PRUNE2: variants seen among roughly 807,000 people sequenced by gnomAD.
PRUNE2 encodes the protein protein prune homolog 2.
PRUNE2 carries 164 observed loss-of-function variants against 252.0 expected under a neutral mutation model. That is an observed-to-expected ratio of 0.65 (90% confidence interval 0.57 to 0.74). The LOEUF (loss-of-function observed/expected upper bound fraction) is 0.74, where lower values mean the gene tolerates loss of function less well. PRUNE2 is among the 30% of genes least tolerant of loss of function. PRUNE2 has a pLI of 0.00. For missense variants in PRUNE2, 3,495 were observed against 3,711.0 expected, an observed-to-expected ratio of 0.94 and a Z score of 1.51; for synonymous variants, 1,292 against 1,350.2, an observed-to-expected ratio of 0.96 and a Z score of 0.94.
At chr9:76,875,121 C>G (rs1252724645) in intron 1 of PRUNE2, among the ~76,000 whole-genome samples, 1 of 152,080 alleles carries the variant, frequency 6.6e-6, no homozygotes, top group African/African-American at 2.4e-5. Context: ...AACCCCCAAG[C>G]CTTTGCACCA....
At chr9:76,847,677 C>T (rs2059742660) in intron 3 of PRUNE2, among the ~76,000 whole-genome samples, 1 of 152,080 alleles carries the variant, frequency 6.6e-6, no homozygotes, top group Non-Finnish European at 1.5e-5. Context: ...TGGCTTTTAG[C>T]AAAGGCAGGA....
chr9:76,839,506 G>A (rs2059261662), intron 4 of PRUNE2, among the ~76,000 whole-genome samples: 1 of 152,212 alleles, frequency 6.6e-6, no homozygotes, highest in South Asian at 2.1e-4. Context: ...AGGCTCTTGT[G>A]TCTGCAACAC....
intron 6 of PRUNE2, among the ~76,000 whole-genome samples, chr9:76,716,278 C>T (rs1431872282): frequency 1.3e-5 from 2 of 152,296 alleles, no homozygotes; most frequent in East Asian, 3.9e-4. Flanking sequence ...GACTCAAGTC[C>T]AAAAGCATTG....
At chr9:76,644,167 C>T (rs1843767398) in intron 12 of PRUNE2, among the ~76,000 whole-genome samples, 4 of 152,136 alleles carry the variant, frequency 2.6e-5, no homozygotes, top group Admixed American at 2.6e-4. Context: ...TTTCTCTCTC[C>T]CTTGTCTCTC....
Position 76,706,336 on chromosome 9 carries a change from T to G in PRUNE2, c.5938A>C (p.Asn1980His). 6 of 1,614,018 alleles carry G rather than the reference T, an allele frequency of 3.7e-6. No individual in the cohort carries two copies. Among genetic ancestry groups the G allele is most frequent in the Non-Finnish European group, 5.1e-6 (6 of 1,179,884 alleles). ...GAAACATTAGATGTAACACAACTAT[T>G]TTCCTCTGCGTGAGTAAAGGCTGTG... The part of the protein sequence containing the change: ...PDTAFTHAEE[N>H]SCVTSNVSTN... Residue 1980 changes from asparagine (N) to histidine (H), a missense_variant, in exon 8 of 19, where the codon AAT becomes CAT. Transcript: ENST00000376718.
intron 9 of PRUNE2, among the ~76,000 whole-genome samples, chr9:76,661,875 G>GTT (rs142141727): frequency 5.5e-5 from 8 of 145,828 alleles, no homozygotes; most frequent in African/African-American, 1.0e-4. Context: ...TAAAAACACA[G>GTT]TTTTTTTTTT....
rs748835110 is a variant in PRUNE2 at position 76,611,755 on chromosome 9, A to G, written c.*2815T>C. ...AGAACATTGTATGGCTTCAACAGAA[A>G]CTTCAGGATTTTCTTCCACACTGAG... On this transcript the variant is annotated 3_prime_UTR_variant, in exon 19 of 19. Transcript: ENST00000376718. 2 of 152,624 alleles carry G rather than the reference A, an allele frequency of 1.3e-5. No individual in the cohort carries two copies. Among genetic ancestry groups the G allele is most frequent in the African/African-American group, 4.8e-5 (2 of 41,440 alleles). The allele number at this position is 152,624 out of a possible 1,614,324, so 9.5% of individuals were successfully genotyped here. A position where few individuals can be genotyped will look rare whatever the true frequency, so the allele number is the denominator to read the frequency against.
intron 1 of PRUNE2, chr9:76,868,849 CG>C (rs1168086801): frequency 9.9e-5 from 3 of 30,388 alleles, no homozygotes; most frequent in Non-Finnish European, 2.0e-4. Context: ...GGGGGGGGGG[CG>C]GGGGGGAAGG....
intron 12 of PRUNE2, among the ~76,000 whole-genome samples, chr9:76,639,544 A>G (rs1311379511): frequency 6.6e-6 from 1 of 152,192 alleles, no homozygotes; most frequent in Non-Finnish European, 1.5e-5. Context: ...CTGCCACGTA[A>G]TCACTCAGTG....
Position 76,706,343 on chromosome 9 carries a change from T to C in PRUNE2, c.5931A>G (p.Ala1977=). Residue 1977 remains alanine (A), a synonymous_variant, in exon 8 of 19, where the codon GCA becomes GCG. Coordinates refer to ENST00000376718, the MANE Select transcript of PRUNE2 (RefSeq NM_015225.3). The part of the protein sequence containing the change: ...CDHPDTAFTH[A]EENSCVTSNV... Reference sequence around the variant, plus strand: ...TAGATGTAACACAACTATTTTCCTCTGCGTGAGTAAAGGCTGTGTCCGGAT... The same window carrying C: ...TAGATGTAACACAACTATTTTCCTCCGCGTGAGTAAAGGCTGTGTCCGGAT... 1 of 1,614,038 alleles carries C rather than the reference T, an allele frequency of 6.2e-7. No individual in the cohort carries two copies. Among genetic ancestry groups the C allele is most frequent in the Non-Finnish European group, 8.5e-7 (1 of 1,179,884 alleles).
At chr9:76,795,551 G>A (rs778264976) in intron 6 of PRUNE2, among the ~76,000 whole-genome samples, 1 of 149,376 alleles carries the variant, frequency 6.7e-6, no homozygotes, top group East Asian at 1.9e-4. Context: ...TAGCCCCTGG[G>A]GGGGAGCATG....
intron 9 of PRUNE2, among the ~76,000 whole-genome samples, chr9:76,691,071 T>C (rs2134444273): frequency 6.6e-6 from 1 of 152,358 alleles, no homozygotes; most frequent in African/African-American, 2.4e-5. Context: ...CTAAGAAAAC[T>C]TTCATCAGAT....
chr9:76,698,646 A>G (rs1376647298), intron 9 of PRUNE2, among the ~76,000 whole-genome samples: 2 of 152,266 alleles, frequency 1.3e-5, no homozygotes, highest in African/African-American at 2.4e-5. Flanking sequence ...TTTAAAATCT[A>G]TTTCTCATTT....
intron 6 of PRUNE2, among the ~76,000 whole-genome samples, chr9:76,781,519 A>G (rs1474203162): frequency 6.6e-6 from 1 of 152,230 alleles, no homozygotes; most frequent in Admixed American, 6.5e-5. Context: ...CTTGGTTTAT[A>G]AACTTAAAAA....
chr9:76,902,011 T>A (rs1389729018), intron 1 of PRUNE2, among the ~76,000 whole-genome samples: 1 of 152,098 alleles, frequency 6.6e-6, no homozygotes, highest in African/African-American at 2.4e-5. Context: ...CTCCACCCAT[T>A]AACAGCTGCT....
At position 76,816,868 on chromosome 9, in the gene PRUNE2, C is replaced by G. The variant is rs900401064; in HGVS notation, c.756+6764G>C. Among the ~76,000 whole-genome samples, 5 of 152,234 alleles carry G rather than the reference C, an allele frequency of 3.3e-5. No homozygotes were observed. The East Asian group carries it at 9.7e-4, about 29-fold the overall frequency. On this transcript the variant is annotated intron_variant, in intron 6 of 18. Transcript: ENST00000376718. The stretch of plus-strand genomic sequence containing the variant: ...TTCTAGAGACAGTCTGAGAAAAAAA[C>G]AGACTTTTTCCTTCCTACACGATCT...
chr9:76,894,114 G>T (rs2062663018), intron 1 of PRUNE2, among the ~76,000 whole-genome samples: 1 of 152,198 alleles, frequency 6.6e-6, no homozygotes, highest in Non-Finnish European at 1.5e-5. Context: ...TTCTCTCAAT[G>T]ATCTTGGTAA....
At chr9:76,638,726 A>G (rs1319254508) in intron 12 of PRUNE2, among the ~76,000 whole-genome samples, 7 of 152,228 alleles carry the variant, frequency 4.6e-5, no homozygotes, top group African/African-American at 1.7e-4. Context: ...GATCCTCTAT[A>G]GTTCTTTTTA....
Position 76,854,111 on chromosome 9 carries a change from A to G in PRUNE2, c.134T>C (p.Leu45Pro). The G allele has an allele frequency of 6.4e-7, 1 of 1,566,320 alleles. No individual in the cohort carries two copies. Among genetic ancestry groups the G allele is most frequent in the Non-Finnish European group, 8.8e-7 (1 of 1,141,174 alleles). The change falls in exon 2 of 19, where the codon CTA (leucine) becomes CCA (proline). Residue 45 changes from leucine (L) to proline (P), a missense_variant. Coordinates refer to ENST00000376718, the MANE Select transcript of PRUNE2 (RefSeq NM_015225.3). ...LISTFTYAYF[L>P]DKVSPPGVLC... The stretch of plus-strand genomic sequence containing the variant: ...TACCCTTTTTTCCCTCACCTTGTCT[A>G]GAAAGTAAGCATATGTGAAGGTAGA...
Sources: allele counts gnomAD v4.1 joint callset (sites outside exome capture counted in the v4.1 genomes callset), GRCh38; gene constraint gnomAD v4.1.1; transcripts MANE v1.5; gene names NCBI Gene and HGNC (gene_info 2026-07-23, HGNC 2026-07-21).